CNTNAP2: variants seen among roughly 807,000 people sequenced by gnomAD.
The protein encoded by CNTNAP2 is contactin-associated protein-like 2.
A neutral mutation model predicts 155.2 loss-of-function variants in CNTNAP2; 98 were observed. That is an observed-to-expected ratio of 0.63 (90% CI 0.54 to 0.75). The LOEUF (loss-of-function observed/expected upper bound fraction) is 0.75. Ranked by LOEUF, CNTNAP2 falls within the 30% of genes least tolerant of loss-of-function variation. The pLI is 0.00. For missense variants in CNTNAP2, 1,727 were observed against 1,688.1 expected, an observed-to-expected ratio of 1.02 and a Z score of -0.40; for synonymous variants, 651 against 631.2, an observed-to-expected ratio of 1.03 and a Z score of -0.47.
At chr7:148,288,094 T>A (rs796491766) in intron 21 of CNTNAP2, among the ~76,000 whole-genome samples, 23 of 148,858 alleles carry the variant, frequency 1.5e-4, no homozygotes, top group African/African-American at 4.7e-4. Flanking sequence ...CCAACCTTTT[T>A]TTTTTTCTTT....
intron 8 of CNTNAP2, among the ~76,000 whole-genome samples, chr7:147,157,416 T>C (rs1004813275): frequency 6.6e-6 from 1 of 152,088 alleles, no homozygotes; most frequent in South Asian, 2.1e-4. Context: ...TGGAAACAAA[T>C]ATAACTGTTT....
intron 3 of CNTNAP2, among the ~76,000 whole-genome samples, chr7:146,894,925 A>C (rs1795845396): frequency 6.6e-6 from 1 of 152,112 alleles, no homozygotes; most frequent in African/African-American, 2.4e-5. Context: ...TGTCAGCCTC[A>C]ATGCTGGCCT....
intron 1 of CNTNAP2, among the ~76,000 whole-genome samples, chr7:146,694,457 A>T (rs1800749512): frequency 6.6e-6 from 1 of 152,058 alleles, no homozygotes; most frequent in South Asian, 2.1e-4. Context: ...TGTTACATTG[A>T]TGTATTTGCC....
intron 21 of CNTNAP2, among the ~76,000 whole-genome samples, chr7:148,370,276 C>G (rs924758267): frequency 2.0e-5 from 3 of 152,188 alleles, no homozygotes; most frequent in Non-Finnish European, 4.4e-5. Flanking sequence ...CTGGTTCTAT[C>G]CATCTTTGTG....
chr7:147,470,599 T>G (rs552123009), intron 10 of CNTNAP2, among the ~76,000 whole-genome samples: 45 of 152,000 alleles, frequency 3.0e-4, no homozygotes, highest in African/African-American at 1.0e-3. Context: ...GTAATAGCAG[T>G]AGAGATGGTA....
chr7:147,446,544 A>G (rs1797743617), intron 10 of CNTNAP2, among the ~76,000 whole-genome samples: 1 of 152,154 alleles, frequency 6.6e-6, no homozygotes, highest in South Asian at 2.1e-4. Flanking sequence ...CCCATATCCA[A>G]GTTTTCCACT....
At chr7:147,190,655 GA>G (rs550621284) in intron 8 of CNTNAP2, among the ~76,000 whole-genome samples, 246 of 151,506 alleles carry the variant, frequency 1.6e-3, no homozygotes, top group African/African-American at 5.2e-3. Context: ...AATTCCTGGA[GA>G]AAAAAAAATT....
At chr7:147,393,965 C>T (rs1796766721) in intron 9 of CNTNAP2, among the ~76,000 whole-genome samples, 1 of 151,940 alleles carries the variant, frequency 6.6e-6, no homozygotes, top group Admixed American at 6.6e-5. Context: ...AAAATACTAT[C>T]CTTGGTCAAA....
chr7:147,476,136 C>T (rs948761270), intron 10 of CNTNAP2, among the ~76,000 whole-genome samples: 18 of 151,918 alleles, frequency 1.2e-4, no homozygotes, highest in Admixed American at 3.9e-4. Flanking sequence ...GACGGAGTCT[C>T]GCTCTGTCAC....
In CNTNAP2 at chr7:147,240,202, C is replaced by T. The variant is rs187263384; in HGVS notation, c.1349-59939C>T. On this transcript the variant is annotated intron_variant, in intron 8 of 23. Transcript: ENST00000361727. ...GCTGAGTGTCATGGCATGCGCCTCT[C>T]GTTCCTGCTACTCAGGGGCCTGAGG... is the stretch of plus-strand genomic sequence containing the variant. Among the ~76,000 whole-genome samples the T allele has an allele frequency of 7.2e-5, 11 of 152,286 alleles. No individual in the cohort carries two copies. In the East Asian group the frequency reaches 1.2e-3, roughly 16 times the overall value.
chr7:147,137,566 T>A (rs1801509869), intron 8 of CNTNAP2, among the ~76,000 whole-genome samples: 1 of 151,782 alleles, frequency 6.6e-6, no homozygotes, highest in Non-Finnish European at 1.5e-5. Flanking sequence ...CAAATGGAAA[T>A]TAAATAGCAT....
intron 13 of CNTNAP2, among the ~76,000 whole-genome samples, chr7:147,777,616 G>A (rs1797605490): frequency 6.6e-6 from 1 of 152,138 alleles, no homozygotes; most frequent in Non-Finnish European, 1.5e-5. Flanking sequence ...TTTCTAAGTG[G>A]CAGGAATAAA....
chr7:146,429,116 T>A, intron 1 of CNTNAP2, among the ~76,000 whole-genome samples: 1 of 152,166 alleles, frequency 6.6e-6, no homozygotes, highest in Non-Finnish European at 1.5e-5. Context: ...AGTACCATGC[T>A]GTTTTGGTTA....
At chr7:147,486,200 T>G (rs976193012) in intron 11 of CNTNAP2, among the ~76,000 whole-genome samples, 159 bp downstream of exon 11, 1 of 144,978 alleles carries the variant, frequency 6.9e-6, no homozygotes, top group African/African-American at 2.6e-5. Flanking sequence ...AAAAAAAAAA[T>G]AAAATACACT....
chr7:148,116,648 A>G (rs1431893120), intron 15 of CNTNAP2, among the ~76,000 whole-genome samples: 1 of 152,212 alleles, frequency 6.6e-6, no homozygotes, highest in African/African-American at 2.4e-5. Flanking sequence ...AACAAAAACA[A>G]ACAGCATTAA....
At chr7:147,340,773 AAC>A (rs751471986) in intron 9 of CNTNAP2, among the ~76,000 whole-genome samples, 9 of 151,976 alleles carry the variant, frequency 5.9e-5, no homozygotes, top group Non-Finnish European at 1.3e-4. Context: ...CTATTTTTTC[AAC>A]ACTCTCTCCA....
intron 1 of CNTNAP2, among the ~76,000 whole-genome samples, chr7:146,191,808 C>T (rs1195420821): frequency 6.6e-6 from 1 of 152,158 alleles, no homozygotes; most frequent in African/African-American, 2.4e-5. Flanking sequence ...CCCTTGTTCC[C>T]TGAACATTGC....
At chr7:146,327,364 C>G (rs746399427) in intron 1 of CNTNAP2, among the ~76,000 whole-genome samples, 2 of 152,118 alleles carry the variant, frequency 1.3e-5, no homozygotes, top group Non-Finnish European at 2.9e-5. Flanking sequence ...TAGCATCAGG[C>G]AGATGGCAGA....
At chr7:148,405,129 C>T (rs1799668780) in intron 22 of CNTNAP2, among the ~76,000 whole-genome samples, 1 of 152,136 alleles carries the variant, frequency 6.6e-6, no homozygotes, top group African/African-American at 2.4e-5. Flanking sequence ...CCACCCTCTT[C>T]TACCCAGTAT....
Sources: allele counts gnomAD v4.1 joint callset (sites outside exome capture counted in the v4.1 genomes callset), GRCh38; gene constraint gnomAD v4.1.1; transcripts MANE v1.5; gene names NCBI Gene and HGNC (gene_info 2026-07-23, HGNC 2026-07-21).